Variants in SRPK2 observed in about 807,000 individuals in gnomAD.
SRPK2 encodes the protein SFRS protein kinase 2.
Under a neutral mutation model 90.8 loss-of-function variants are expected in SRPK2, and 21 were observed. The observed-to-expected ratio is 0.23, with a 90% CI of 0.16 to 0.33. The LOEUF (loss-of-function observed/expected upper bound fraction) is 0.33, where lower values mean the gene tolerates loss of function less well. SRPK2 is among the 10% of genes least tolerant of loss of function. SRPK2 has a pLI of 1.00. For missense variants in SRPK2, 620 were observed against 869.0 expected, an observed-to-expected ratio of 0.71 and a Z score of 3.60; for synonymous variants, 288 against 311.1, an observed-to-expected ratio of 0.93 and a Z score of 0.78.
At position 105,331,337 on chromosome 7, in the gene SRPK2, A is replaced by AAAAC. The variant is rs1554512429; in HGVS notation, c.71+57310_71+57311insGTTT. 5.3e-4 allele frequency among the ~76,000 whole-genome samples: 75 copies of AAAAC among 141,934 alleles called. 5 individuals are homozygous for AAAAC. Among genetic ancestry groups the AAAAC allele is most frequent in the Non-Finnish European group, 9.3e-4 (61 of 65,384 alleles). 93.1% of individuals were successfully genotyped at this position (141,934 alleles called of 152,430 possible). A position where few individuals can be genotyped will look rare whatever the true frequency, so the allele number is the denominator to read the frequency against. ...AAAAAAAAAAAAAAAAAAAAAAAAA[A>AAAAC]CAAATAGTTATTACACAATTAATCT... On this transcript the variant is annotated intron_variant, in intron 2 of 15. Coordinates refer to ENST00000393651, the MANE Select transcript of SRPK2 (RefSeq NM_182692.3).
At chr7:105,131,991 C>G (rs189931559) in intron 13 of SRPK2, among the ~76,000 whole-genome samples, 2,140 of 152,158 alleles carry the variant, frequency 0.014, 24 homozygotes, top group Non-Finnish European at 0.022. Context: ...AATGCAGGGC[C>G]CTTTGTGTTC....
At chr7:105,138,936 C>A (rs990039394) in intron 11 of SRPK2, among the ~76,000 whole-genome samples, 2 of 152,196 alleles carry the variant, frequency 1.3e-5, no homozygotes, top group Admixed American at 1.3e-4. Flanking sequence ...ATATGTGTAG[C>A]ATGCAGTGTC....
upstream of SRPK2, among the ~76,000 whole-genome samples, chr7:105,390,223 T>C (rs1410926651): frequency 6.6e-6 from 1 of 152,138 alleles, no homozygotes; most frequent in Non-Finnish European, 1.5e-5. Flanking sequence ...CAAGAAACTT[T>C]CATACTAATA....
chr7:105,229,211 A>C (rs994259730), intron 2 of SRPK2, among the ~76,000 whole-genome samples: 7 of 152,284 alleles, frequency 4.6e-5, no homozygotes, highest in African/African-American at 1.4e-4. Context: ...CGCCCGTAAT[A>C]CCAGCACTTT....
intron 2 of SRPK2, chr7:105,306,130 GAAGT>G (rs926226801): frequency 2.4e-5 from 4 of 167,022 alleles, no homozygotes; most frequent in South Asian, 1.4e-4. Flanking sequence ...GGTACCAAAA[GAAGT>G]AAGAGGATTT....
At chr7:105,286,401 G>A (rs1270585437) in intron 2 of SRPK2, among the ~76,000 whole-genome samples, 1 of 152,186 alleles carries the variant, frequency 6.6e-6, no homozygotes, top group East Asian at 1.9e-4. Flanking sequence ...GAGGGTAAAA[G>A]TCATTAACAT....
At chr7:105,129,009 C>T (rs1407066876) in intron 13 of SRPK2, among the ~76,000 whole-genome samples, 2 of 152,158 alleles carry the variant, frequency 1.3e-5, no homozygotes, top group African/African-American at 2.4e-5. Context: ...CTCGCTCTGT[C>T]ACCCAGGCTG....
At chr7:105,365,863 C>CTTT (rs199599172) in intron 2 of SRPK2, among the ~76,000 whole-genome samples, 1 of 145,090 alleles carries the variant, frequency 6.9e-6, no homozygotes, top group Non-Finnish European at 1.5e-5. Flanking sequence ...TTATTTCTTC[C>CTTT]TTTTTTTTTT....
intron 13 of SRPK2, among the ~76,000 whole-genome samples, chr7:105,131,396 T>C (rs1801981778): frequency 6.6e-6 from 1 of 152,250 alleles, no homozygotes; most frequent in African/African-American, 2.4e-5. Context: ...TGACCATCAT[T>C]GGCCACCGGT....
At chr7:105,164,875 G>T (rs773256511) in intron 6 of SRPK2, among the ~76,000 whole-genome samples, 1 of 152,066 alleles carries the variant, frequency 6.6e-6, no homozygotes, top group African/African-American at 2.4e-5. Context: ...ATGATATAAA[G>T]AGCAAAAAAT....
intron 2 of SRPK2, among the ~76,000 whole-genome samples, chr7:105,251,824 A>AT (rs948565234): frequency 6.6e-6 from 1 of 152,134 alleles, no homozygotes; most frequent in Non-Finnish European, 1.5e-5. Flanking sequence ...GGGGTTTTGT[A>AT]TTTTTTGTAA....
chr7:105,345,749 C>G lies in SRPK2; in HGVS notation c.71+42899G>C, dbSNP rs10245514. On this transcript the variant is annotated intron_variant, in intron 2 of 15. Transcript: ENST00000393651. ...CCAAAACAGACATGGTCTGTGAGCT[C>G]TTGGGCCTATGTTGTTCTACATCTG... 7.0e-3 allele frequency among the ~76,000 whole-genome samples: 1,065 copies of G among 152,292 alleles called. 16 individuals are homozygous for G. The highest frequency in any genetic ancestry group is 0.025 in the African/African-American group (1,023 of 41,546).
At chr7:105,353,827 C>T (rs1199353751) in intron 2 of SRPK2, among the ~76,000 whole-genome samples, 1 of 152,158 alleles carries the variant, frequency 6.6e-6, no homozygotes, top group Non-Finnish European at 1.5e-5. Flanking sequence ...TTTAATTCTT[C>T]CCAGTACAAA....
At chr7:105,115,781 G>C (rs1251104003), downstream of SRPK2, among the ~76,000 whole-genome samples, 1 of 152,062 alleles carries the variant, frequency 6.6e-6, no homozygotes, top group African/African-American at 2.4e-5. Context: ...AACTGCATTA[G>C]ACAAATTTCA....
At chr7:105,258,788 CAT>C (rs1375282437) in intron 2 of SRPK2, among the ~76,000 whole-genome samples, 2 of 152,198 alleles carry the variant, frequency 1.3e-5, no homozygotes, top group Non-Finnish European at 2.9e-5. Context: ...ACAAAAACCA[CAT>C]GATTATCTCG....
intron 2 of SRPK2, among the ~76,000 whole-genome samples, chr7:105,375,060 T>C (rs1820130964): frequency 6.6e-6 from 1 of 152,188 alleles, no homozygotes; most frequent in African/African-American, 2.4e-5. Flanking sequence ...TATCTGTGCA[T>C]ATCATGCTGG....
chr7:105,343,919 C>T (rs540636919), intron 2 of SRPK2, among the ~76,000 whole-genome samples: 2 of 152,176 alleles, frequency 1.3e-5, no homozygotes, highest in South Asian at 2.1e-4. Flanking sequence ...TGCGCCACCA[C>T]ACCCGGCTAA....
chr7:105,198,998 T>C (rs1212089051), intron 3 of SRPK2, among the ~76,000 whole-genome samples: 1 of 152,138 alleles, frequency 6.6e-6, no homozygotes, highest in Non-Finnish European at 1.5e-5. Context: ...CCAGAGAGAA[T>C]ACCAAGGCAA....
At chr7:105,228,370 A>G (rs1220112427) in intron 2 of SRPK2, among the ~76,000 whole-genome samples, 1 of 152,266 alleles carries the variant, frequency 6.6e-6, no homozygotes, top group Non-Finnish European at 1.5e-5. Flanking sequence ...ACTTTCTGAA[A>G]TTACATTTCA....
Sources: allele counts gnomAD v4.1 joint callset (sites outside exome capture counted in the v4.1 genomes callset), GRCh38; gene constraint gnomAD v4.1.1; transcripts MANE v1.5; gene names NCBI Gene and HGNC (gene_info 2026-07-23, HGNC 2026-07-21).